The following NKAIN3 variants were observed in gnomAD, a reference collection of about 807,000 sequenced individuals.
NKAIN3 encodes sodium/potassium transporting ATPase interacting 3.
In NKAIN3, 25 loss-of-function variants were observed where a neutral mutation model predicts 30.2. That is an observed-to-expected ratio of 0.83 (90% CI 0.60 to 1.16). The LOEUF (loss-of-function observed/expected upper bound fraction) is 1.16. NKAIN3 is among the 50% of genes most tolerant of loss of function. The pLI, the probability that NKAIN3 is intolerant of heterozygous loss-of-function variation, is 0.00. For synonymous variants in NKAIN3, 91 were observed against 89.6 expected (o/e 1.02, Z -0.09); for missense variants, 225 against 254.1 (o/e 0.89, Z 0.78).
At chr8:62,805,960 AAAAC>A (rs1818265753) in intron 4 of NKAIN3, among the ~76,000 whole-genome samples, 1 of 152,246 alleles carries the variant, frequency 6.6e-6, no homozygotes, top group Non-Finnish European at 1.5e-5. Flanking sequence ...TTACAAGGAA[AAAAC>A]AAACAACCCC....
chr8:62,337,776 T>G (rs537194151), intron 1 of NKAIN3, among the ~76,000 whole-genome samples: 1 of 152,124 alleles, frequency 6.6e-6, no homozygotes, highest in African/African-American at 2.4e-5. Context: ...ATTCCTTTCT[T>G]TCTATTATAT....
intron 1 of NKAIN3, among the ~76,000 whole-genome samples, chr8:62,554,114 G>A (rs942575641): frequency 5.3e-5 from 8 of 152,090 alleles, no homozygotes; most frequent in African/African-American, 1.4e-4. Flanking sequence ...TTCCATAGAG[G>A]GACATGTAAT....
chr8:62,607,731 G>A (rs544636511), intron 3 of NKAIN3, among the ~76,000 whole-genome samples: 87 of 151,752 alleles, frequency 5.7e-4, no homozygotes, highest in African/African-American at 2.0e-3. Flanking sequence ...AGGTAGCCTT[G>A]GCCCCCAGAG....
chr8:62,602,142 T>A (rs1170657928), intron 3 of NKAIN3, among the ~76,000 whole-genome samples: 1 of 152,080 alleles, frequency 6.6e-6, no homozygotes, highest in South Asian at 2.1e-4. Context: ...CTGGGTAGTA[T>A]TAAGAGTTTT....
chr8:62,580,310 C>A (rs1810251020), intron 2 of NKAIN3, among the ~76,000 whole-genome samples: 1 of 152,124 alleles, frequency 6.6e-6, no homozygotes, highest in African/African-American at 2.4e-5. Context: ...CTGTGACCCA[C>A]AATCTAATGG....
chr8:62,719,657 T>C (rs1815019252), intron 3 of NKAIN3, among the ~76,000 whole-genome samples: 1 of 152,178 alleles, frequency 6.6e-6, no homozygotes, highest in Non-Finnish European at 1.5e-5. Context: ...TGTCTTATAC[T>C]ATGCCTGACA....
chr8:62,917,765 C>T lies in NKAIN3; in HGVS notation c.472-688C>T, dbSNP rs148822008. Reference sequence around the variant, plus strand: ...GACTAGATTCATAGACAATTTTGTCCTCTAGGAACTGCAGTGTCTTTGGCT... The same window carrying T: ...GACTAGATTCATAGACAATTTTGTCTTCTAGGAACTGCAGTGTCTTTGGCT... On this transcript the variant is annotated intron_variant, in intron 4 of 6. Transcript: ENST00000623646. Among the ~76,000 whole-genome samples the T allele has an allele frequency of 9.2e-3, 1,407 of 152,176 alleles. 10 individuals are homozygous for T. The highest frequency in any genetic ancestry group is 0.034 in the Middle Eastern group (10 of 294).
intron 4 of NKAIN3, among the ~76,000 whole-genome samples, chr8:62,849,411 T>C (rs758738563): frequency 6.6e-6 from 1 of 151,738 alleles, no homozygotes; most frequent in African/African-American, 2.4e-5. Flanking sequence ...GGAGGGCATA[T>C]GTGCCAGGAA....
At chr8:62,928,782 T>G (rs566965942) in intron 5 of NKAIN3, among the ~76,000 whole-genome samples, 1 of 152,330 alleles carries the variant, frequency 6.6e-6, no homozygotes, top group Non-Finnish European at 1.5e-5. Context: ...CCTGGGTCAT[T>G]GAGTGTTGCT....
At chr8:62,679,470 G>C (rs138568212) in intron 3 of NKAIN3, among the ~76,000 whole-genome samples, 191 of 152,280 alleles carry the variant, frequency 1.3e-3, no homozygotes, top group Non-Finnish European at 1.1e-3. Context: ...GCCTTGAATG[G>C]TGTATTAGTC....
At chr8:62,372,231 A>G (rs1816934445) in intron 1 of NKAIN3, among the ~76,000 whole-genome samples, 1 of 151,916 alleles carries the variant, frequency 6.6e-6, no homozygotes, top group African/African-American at 2.4e-5. Flanking sequence ...AAAATGTTTT[A>G]GGTCACACAC....
At chr8:62,398,964 G>A (rs185971481) in intron 1 of NKAIN3, among the ~76,000 whole-genome samples, 82 of 152,190 alleles carry the variant, frequency 5.4e-4, no homozygotes, top group Non-Finnish European at 6.9e-4. Flanking sequence ...GGTGGCACAC[G>A]CCTGAAATTC....
intron 4 of NKAIN3, among the ~76,000 whole-genome samples, chr8:62,806,391 CT>C (rs1255411966): frequency 6.6e-6 from 1 of 152,174 alleles, no homozygotes; most frequent in African/African-American, 2.4e-5. Flanking sequence ...ATAGCAAGGA[CT>C]TTGAACCAAC....
At chr8:62,739,380 C>T (rs891815939) in intron 3 of NKAIN3, among the ~76,000 whole-genome samples, 1 of 152,048 alleles carries the variant, frequency 6.6e-6, no homozygotes, top group African/African-American at 2.4e-5. Context: ...TTAATGATTT[C>T]AGCATTCTTC....
intron 3 of NKAIN3, among the ~76,000 whole-genome samples, chr8:62,695,555 A>G (rs1814128891): frequency 6.6e-6 from 1 of 152,228 alleles, no homozygotes; most frequent in African/African-American, 2.4e-5. Context: ...AAGAGTTTGA[A>G]AGGGCAGAAG....
intron 3 of NKAIN3, among the ~76,000 whole-genome samples, chr8:62,643,529 G>C (rs1476389865): frequency 6.6e-6 from 1 of 152,148 alleles, no homozygotes; most frequent in Non-Finnish European, 1.5e-5. Flanking sequence ...GCTGGGAACA[G>C]AGCTGTTGGT....
At chr8:62,780,663 TAGAC>T (rs1206824560) in intron 4 of NKAIN3, among the ~76,000 whole-genome samples, 1 of 152,124 alleles carries the variant, frequency 6.6e-6, no homozygotes, top group African/African-American at 2.4e-5. Context: ...ATATATCACA[TAGAC>T]AGAATTAAAG....
intron 1 of NKAIN3, among the ~76,000 whole-genome samples, chr8:62,450,797 A>C (rs1805615883): frequency 6.6e-6 from 1 of 152,224 alleles, no homozygotes; most frequent in Non-Finnish European, 1.5e-5. Flanking sequence ...CTGCAGAAGG[A>C]AAAAATGATG....
chr8:62,514,104 A>G (rs1807908025), intron 1 of NKAIN3, among the ~76,000 whole-genome samples: 1 of 152,050 alleles, frequency 6.6e-6, no homozygotes, highest in Admixed American at 6.6e-5. Context: ...GAATCCTTGG[A>G]CAGGTGCTTT....
Sources: gnomAD v4.1 joint callset for allele counts (sites outside exome capture counted in the v4.1 genomes callset) on GRCh38, gnomAD v4.1.1 for gene constraint, MANE v1.5 for transcripts, NCBI Gene and HGNC (gene_info 2026-07-23, HGNC 2026-07-21) for gene names.